The following SEM1 variants were observed in gnomAD, a reference collection of about 807,000 sequenced individuals.
SEM1 encodes SEM1 26S proteasome subunit.
SEM1 carries 3 observed loss-of-function variants against 12.7 expected under a neutral mutation model. The observed-to-expected ratio is 0.24, with a 90% CI of 0.11 to 0.61. The LOEUF (loss-of-function observed/expected upper bound fraction) is 0.61, where lower values mean the gene tolerates loss of function less well. SEM1 is among the 20% of genes least tolerant of loss of function. The pLI, the probability that SEM1 is intolerant of heterozygous loss-of-function variation, is 0.88. For missense variants in SEM1, 59 were observed against 81.3 expected, an observed-to-expected ratio of 0.73 and a Z score of 1.06; for synonymous variants, 30 against 27.8, an observed-to-expected ratio of 1.08 and a Z score of -0.25.
At chr7:96,587,791 G>A (rs998434457) in intron 2 of SEM1, among the ~76,000 whole-genome samples, 6 of 151,878 alleles carry the variant, frequency 4.0e-5, no homozygotes, top group East Asian at 1.9e-4. Context: ...TAGAATACAC[G>A]TGTACACATA....
intron 1 of SEM1, 96 bp from the exon 2 acceptor site, chr7:96,694,987 C>A: frequency 1.2e-6 from 1 of 800,532 alleles, no homozygotes; most frequent in South Asian, 1.7e-5. Context: ...ACTCACAATT[C>A]AAAAACAGCT....
At chr7:96,481,866 G>A (rs1294304932) in exon 4 of SEM1, 1 of 152,022 alleles carries the variant, frequency 6.6e-6, no homozygotes, top group Non-Finnish European at 1.5e-5. Context: ...AAATTTAAGG[G>A]TAATATGAAA....
At chr7:96,494,238 A>G (rs1803146651) in intron 1 of SEM1, among the ~76,000 whole-genome samples, 1 of 152,190 alleles carries the variant, frequency 6.6e-6, no homozygotes, top group South Asian at 2.1e-4. Flanking sequence ...GCAAAATGCT[A>G]CCCAGGTGAG....
chr7:96,559,005 C>G (rs541200273), intron 2 of SEM1, among the ~76,000 whole-genome samples: 1 of 152,152 alleles, frequency 6.6e-6, no homozygotes, highest in Non-Finnish European at 1.5e-5. Flanking sequence ...ATTAAATGAG[C>G]CAGAATAGTT....
intron 1 of SEM1, among the ~76,000 whole-genome samples, chr7:96,701,912 G>A (rs766706291): frequency 1.2e-4 from 19 of 152,198 alleles, no homozygotes; most frequent in Non-Finnish European, 2.4e-4. Flanking sequence ...AGGTGTCTAA[G>A]CCCAAGTAGA....
At chr7:96,674,382 G>C (rs999004761) in intron 2 of SEM1, among the ~76,000 whole-genome samples, 1 of 152,008 alleles carries the variant, frequency 6.6e-6, no homozygotes. Flanking sequence ...GGCTGGGTGC[G>C]GTGGCTCACA....
chr7:96,681,230 G>C (rs568641896), intron 2 of SEM1, among the ~76,000 whole-genome samples: 2 of 152,200 alleles, frequency 1.3e-5, no homozygotes, highest in South Asian at 4.1e-4. Flanking sequence ...AAGTAGTTTA[G>C]ATTTTATGCT....
At chr7:96,683,129 T>C (rs973812474) in intron 2 of SEM1, among the ~76,000 whole-genome samples, 1 of 151,770 alleles carries the variant, frequency 6.6e-6, no homozygotes, top group African/African-American at 2.4e-5. Context: ...GTTCAAACAT[T>C]GTGGAAGACA....
chr7:96,622,395 T>A, downstream of SEM1: 1 of 506,996 alleles, frequency 2.0e-6, no homozygotes, highest in Admixed American at 3.3e-5. Flanking sequence ...GAGAAAAATT[T>A]CTCTTGTATT....
At chr7:96,570,083 T>C (rs1442484054) in intron 2 of SEM1, among the ~76,000 whole-genome samples, 1 of 152,108 alleles carries the variant, frequency 6.6e-6, no homozygotes, top group Admixed American at 6.6e-5. Context: ...TATGTTTAGT[T>C]CTTTGAGAAA....
intron 1 of SEM1, among the ~76,000 whole-genome samples, chr7:96,702,785 A>C (rs1314463682): frequency 6.6e-6 from 1 of 152,218 alleles, no homozygotes; most frequent in African/African-American, 2.4e-5. Flanking sequence ...CATCCCCAGT[A>C]ATGGAACAAA....
At chr7:96,606,884 T>A (rs1807397134) in intron 2 of SEM1, among the ~76,000 whole-genome samples, 1 of 152,230 alleles carries the variant, frequency 6.6e-6, no homozygotes, top group Admixed American at 6.5e-5. Context: ...TCCATGTTAT[T>A]TTCTTTTACA....
rs927453256 is a variant in SEM1 at position 96,556,148 on chromosome 7, T to C, written c.171-49450A>G. 5.9e-5 allele frequency among the ~76,000 whole-genome samples: 9 copies of C among 152,286 alleles called. 1 individual carries two copies. Among genetic ancestry groups the C allele is most frequent in the Admixed American group, 5.2e-4 (8 of 15,302 alleles). On this transcript the variant is annotated intron_variant and NMD_transcript_variant, in intron 2 of 3. Coordinates refer to the SEM1 transcript ENST00000466986. ...ATGGGTCTTGACTCTTTATCCAGTT[T>C]GCCAGTCTGTGTCTTTTAATTGGAG...
chr7:96,523,645 C>G (rs1427694829), intron 2 of SEM1, among the ~76,000 whole-genome samples: 2 of 152,102 alleles, frequency 1.3e-5, no homozygotes, highest in African/African-American at 4.8e-5. Context: ...CCACCAACTC[C>G]TGGATACTCT....
intron 2 of SEM1, among the ~76,000 whole-genome samples, chr7:96,575,917 G>A (rs1806190427): frequency 6.6e-6 from 1 of 152,146 alleles, no homozygotes; most frequent in Admixed American, 6.5e-5. Context: ...TGATCTACTT[G>A]AAGAAGACGA....
intron 2 of SEM1, among the ~76,000 whole-genome samples, chr7:96,598,179 T>C (rs1407440709): frequency 6.6e-6 from 1 of 152,188 alleles, no homozygotes; most frequent in Admixed American, 6.5e-5. Flanking sequence ...TTTAAATTGT[T>C]ATCTACCTGC....
At chr7:96,556,048 T>A (rs1430024408) in intron 2 of SEM1, among the ~76,000 whole-genome samples, 1 of 151,650 alleles carries the variant, frequency 6.6e-6, no homozygotes, top group African/African-American at 2.4e-5. Flanking sequence ...GCTTGGTAGA[T>A]CTTCCTCCAT....
intron 2 of SEM1, among the ~76,000 whole-genome samples, chr7:96,625,333 A>G (rs917652453): frequency 6.6e-6 from 1 of 152,110 alleles, no homozygotes; most frequent in Non-Finnish European, 1.5e-5. Flanking sequence ...TTTCCCCTCA[A>G]CCTGTTATAG....
chr7:96,614,559 C>G (rs1468446977), intron 2 of SEM1, among the ~76,000 whole-genome samples: 2 of 152,204 alleles, frequency 1.3e-5, no homozygotes, highest in South Asian at 2.1e-4. Context: ...ATATTTTATG[C>G]AAGCTATAGC....
Sources: allele counts gnomAD v4.1 joint callset (sites outside exome capture counted in the v4.1 genomes callset), GRCh38; gene constraint gnomAD v4.1.1; transcripts MANE v1.5; gene names NCBI Gene and HGNC (gene_info 2026-07-23, HGNC 2026-07-21).